Variants in RTKN2 observed in about 807,000 individuals in gnomAD.
The protein encoded by RTKN2 is rhotekin 2, also known as rhotekin-2.
In RTKN2, 69 loss-of-function variants were observed where a neutral mutation model predicts 71.5. The observed-to-expected ratio is 0.96, with a 90% CI of 0.79 to 1.18. The LOEUF is 1.18. RTKN2 is among the 50% of genes most tolerant of loss of function. RTKN2 has a pLI of 0.00. For synonymous variants in RTKN2, 236 were observed against 236.5 expected, an observed-to-expected ratio of 1.00 and a Z score of 0.02; for missense variants, 724 against 719.7, an observed-to-expected ratio of 1.01 and a Z score of -0.07.
intron 8 of RTKN2, among the ~76,000 whole-genome samples, chr10:62,184,679 G>C (rs956462842): frequency 1.3e-5 from 2 of 152,212 alleles, no homozygotes; most frequent in Non-Finnish European, 2.9e-5. Context: ...GGTTGAAGTA[G>C]ATTACCTCTG....
chr10:62,243,622 T>C (rs1179392258), intron 3 of RTKN2, among the ~76,000 whole-genome samples: 2 of 152,126 alleles, frequency 1.3e-5, no homozygotes, highest in Non-Finnish European at 2.9e-5. Context: ...TGGATACCGA[T>C]TTTCCAGGTA....
At chr10:62,264,421 C>T (rs1336922262) in intron 1 of RTKN2, among the ~76,000 whole-genome samples, 1 of 152,218 alleles carries the variant, frequency 6.6e-6, no homozygotes, top group Non-Finnish European at 1.5e-5. Context: ...CTTCATTACA[C>T]ATGACTGAAT....
chr10:62,216,901 T>TA (rs1023027458), intron 9 of RTKN2, among the ~76,000 whole-genome samples: 6 of 152,136 alleles, frequency 3.9e-5, no homozygotes, highest in Non-Finnish European at 7.4e-5. Context: ...TTTACTGGTA[T>TA]AGATGTCCAT....
chr10:62,236,296 T>C (rs537084072), intron 5 of RTKN2, 33 bp from the exon 6 acceptor site: 3 of 1,385,028 alleles, frequency 2.2e-6, no homozygotes, highest in Middle Eastern at 2.2e-4. Context: ...TGTTGGAAAT[T>C]TAACTCAGTA....
At chr10:62,206,602 A>T (rs981135245) in intron 9 of RTKN2, among the ~76,000 whole-genome samples, 5 of 152,054 alleles carry the variant, frequency 3.3e-5, no homozygotes, top group Non-Finnish European at 7.4e-5. Context: ...ATCATTAACC[A>T]TCTTAGAGAC....
At chr10:62,243,508 G>C (rs887764776) in intron 3 of RTKN2, among the ~76,000 whole-genome samples, 1 of 151,990 alleles carries the variant, frequency 6.6e-6, no homozygotes, top group Non-Finnish European at 1.5e-5. Flanking sequence ...GGAGGGACAT[G>C]GATCCTGACT....
At position 62,198,131 on chromosome 10, in the gene RTKN2, G is replaced by A. The variant is rs180723484; in HGVS notation, c.1607C>T (p.Ser536Phe). The change falls in exon 12 of 12, where the codon TCT (serine) becomes TTT (phenylalanine). Residue 536 changes from serine (S) to phenylalanine (F), a missense_variant. By Grantham distance (155) the Ser-to-Phe change is radical. Transcript: ENST00000373789. Reference protein sequence around the residue: ...VKDNWGKTSVSQTSSLDTKLS... With the variant: ...VKDNWGKTSVFQTSSLDTKLS... ...TTTGGTATCCAAAGACGATGTCTGA[G>A]ATACACTTGTTTTTCCCCAGTTGTC... 3.7e-6 allele frequency: 6 copies of A among 1,614,192 alleles called. No homozygotes were observed. In the Admixed American group the frequency reaches 8.3e-5, roughly 22 times the overall value.
chr10:62,238,743 A>C (rs980979577), intron 5 of RTKN2: 7 of 151,916 alleles, frequency 4.6e-5, no homozygotes, highest in African/African-American at 1.7e-4. Context: ...GAGACACTGG[A>C]CCAGAAGCTA....
At chr10:62,260,497 G>C (rs1842753449) in intron 2 of RTKN2, among the ~76,000 whole-genome samples, 1 of 151,888 alleles carries the variant, frequency 6.6e-6, no homozygotes, top group East Asian at 1.9e-4. Flanking sequence ...CAATAATTAA[G>C]GGAAACACTG....
intron 9 of RTKN2, among the ~76,000 whole-genome samples, chr10:62,208,382 T>C (rs1841590086): frequency 6.6e-6 from 1 of 152,108 alleles, no homozygotes; most frequent in African/African-American, 2.4e-5. Flanking sequence ...GGCCAGGAAA[T>C]GTATAAGATG....
chr10:62,260,181 G>C (rs1264715821), intron 2 of RTKN2, among the ~76,000 whole-genome samples: 1 of 152,022 alleles, frequency 6.6e-6, no homozygotes, highest in African/African-American at 2.4e-5. Flanking sequence ...GTCTCTAAAG[G>C]CAAAATATTT....
chr10:62,223,139 G>C, intron 7 of RTKN2, 99 bp downstream of exon 7: 1 of 629,742 alleles, frequency 1.6e-6, no homozygotes, highest in Non-Finnish European at 2.8e-6. Flanking sequence ...AATCACTCAT[G>C]TCTCCATTAT....
intron 5 of RTKN2, among the ~76,000 whole-genome samples, chr10:62,237,481 A>C (rs1009504154): frequency 6.6e-6 from 1 of 151,970 alleles, no homozygotes; most frequent in African/African-American, 2.4e-5. Flanking sequence ...CAATTTAACC[A>C]ATATATACAT....
At chr10:62,249,888 T>C (rs1281939116) in intron 2 of RTKN2, among the ~76,000 whole-genome samples, 1 of 152,252 alleles carries the variant, frequency 6.6e-6, no homozygotes, top group East Asian at 1.9e-4. Context: ...CTAAACCATT[T>C]GTTAAAGTGA....
At chr10:62,205,672 G>A (rs1841535689) in intron 9 of RTKN2, among the ~76,000 whole-genome samples, 1 of 152,138 alleles carries the variant, frequency 6.6e-6, no homozygotes, top group Non-Finnish European at 1.5e-5. Flanking sequence ...ACTACCACAA[G>A]GACAATGGTT....
Position 62,195,617 on chromosome 10 carries a change from A to G in RTKN2, c.*2291T>C, listed in dbSNP as rs1841311446. The G allele has an allele frequency of 1.2e-5, 1 of 86,254 alleles. No individual in the cohort carries two copies. Among genetic ancestry groups the G allele is most frequent in the Non-Finnish European group, 2.2e-5 (1 of 45,514 alleles). 5.3% of individuals were successfully genotyped at this position (86,254 alleles called of 1,614,324 possible). A position where few individuals can be genotyped will look rare whatever the true frequency, so the allele number is the denominator to read the frequency against. On this transcript the variant is annotated 3_prime_UTR_variant, in exon 12 of 12. Transcript: ENST00000373789. The stretch of plus-strand genomic sequence containing the variant: ...ACGGACAGAGGGAATGAAGGAAGGA[A>G]GGAAGGAAGGAAGGAAGGAAGGAAG...
intron 6 of RTKN2, among the ~76,000 whole-genome samples, chr10:62,229,191 A>T (rs563641288): frequency 2.0e-5 from 3 of 152,342 alleles, no homozygotes; most frequent in East Asian, 3.9e-4. Flanking sequence ...CTAGGAAAGG[A>T]TAAAACAGTA....
At chr10:62,261,030 T>C (rs1035415375) in intron 2 of RTKN2, among the ~76,000 whole-genome samples, 2 of 152,170 alleles carry the variant, frequency 1.3e-5, no homozygotes, top group East Asian at 1.9e-4. Context: ...ATCTTAAAAA[T>C]TCATGCTCTA....
intron 2 of RTKN2, among the ~76,000 whole-genome samples, chr10:62,252,447 A>T (rs1370418050): frequency 6.6e-6 from 1 of 152,120 alleles, no homozygotes; most frequent in African/African-American, 2.4e-5. Flanking sequence ...TAGCTGATGA[A>T]CTTCTTCCAA....
Sources: allele counts gnomAD v4.1 joint callset (sites outside exome capture counted in the v4.1 genomes callset), GRCh38; gene constraint gnomAD v4.1.1; transcripts MANE v1.5; gene names NCBI Gene and HGNC (gene_info 2026-07-23, HGNC 2026-07-21).